The following TMEM221 variants were observed in gnomAD, a reference collection of about 807,000 sequenced individuals.
TMEM221 encodes transmembrane protein 221.
TMEM221 carries 11 observed loss-of-function variants against 10.2 expected under a neutral mutation model. That is an observed-to-expected ratio of 1.08 (90% CI 0.68 to 1.79). The LOEUF (loss-of-function observed/expected upper bound fraction) is 1.79, where lower values mean the gene tolerates loss of function less well. TMEM221 is among the 40% of genes most tolerant of loss of function. The pLI, the probability that TMEM221 is intolerant of heterozygous loss-of-function variation, is 0.00. For missense variants in TMEM221, 382 were observed against 417.7 expected, an observed-to-expected ratio of 0.91 and a Z score of 0.75; for synonymous variants, 172 against 199.8, an observed-to-expected ratio of 0.86 and a Z score of 1.18.
chr19:17,441,636 T>C (rs991680195), intron 2 of TMEM221, among the ~76,000 whole-genome samples: 1 of 151,442 alleles, frequency 6.6e-6, no homozygotes, highest in Non-Finnish European at 1.5e-5. Flanking sequence ...CCTGAGACTT[T>C]AGCCTGGGCT....
intron 2 of TMEM221, 56 bp downstream of exon 2, chr19:17,445,143 T>C (rs1035100823): frequency 2.8e-6 from 4 of 1,447,952 alleles, no homozygotes; most frequent in Non-Finnish European, 3.7e-6. Flanking sequence ...AGGGGACCAT[T>C]GCTGCTCTCT....
chr19:17,447,670 T>C (rs1599621367), intron 1 of TMEM221, among the ~76,000 whole-genome samples: 1 of 152,132 alleles, frequency 6.6e-6, no homozygotes, highest in Non-Finnish European at 1.5e-5. Flanking sequence ...CTGCCCCTGA[T>C]AGGGGTCCCT....
chr19:17,445,874 C>G (rs2074951381), intron 1 of TMEM221, among the ~76,000 whole-genome samples: 1 of 151,882 alleles, frequency 6.6e-6, no homozygotes, highest in African/African-American at 2.4e-5. Flanking sequence ...ACTTATCCAT[C>G]CATCGGCCCC....
intron 2 of TMEM221, among the ~76,000 whole-genome samples, chr19:17,443,523 G>A (rs921724984): frequency 2.0e-5 from 3 of 151,482 alleles, no homozygotes; most frequent in African/African-American, 7.3e-5. Flanking sequence ...TGGGGTGGGG[G>A]GGCGGTTTCA....
chr19:17,444,071 C>CTT lies in TMEM221; in HGVS notation c.406+1126_406+1127dup, dbSNP rs67270566. Among the ~76,000 whole-genome samples the CTT allele has an allele frequency of 2.7e-3, 152 of 56,296 alleles. 16 individuals are homozygous for CTT. The highest frequency in any genetic ancestry group is 9.1e-3 in the African/African-American group (124 of 13,578). The allele number at this position is 56,296 out of a possible 152,430, so 36.9% of individuals were successfully genotyped here. A position where few individuals can be genotyped will look rare whatever the true frequency, so the allele number is the denominator to read the frequency against. On this transcript the variant is annotated intron_variant, in intron 2 of 2. Transcript: ENST00000341130. ...CTCATTCCAACCTGTAAAATGCTAT[C>CTT]TTTTTTTTTTTTTTTTTTTTTTTTT...
At chr19:17,438,412 CG>C (rs1568396877) in intron 2 of TMEM221, among the ~76,000 whole-genome samples, 2 of 151,664 alleles carry the variant, frequency 1.3e-5, no homozygotes, top group African/African-American at 4.8e-5. Context: ...TTAGTAGAAA[CG>C]GGGTTTCGCC....
chr19:17,436,511 G>C lies in TMEM221; in HGVS notation c.823C>G (p.Arg275Gly). 4 of 1,534,824 alleles carry C rather than the reference G, an allele frequency of 2.6e-6. No homozygotes were observed. The highest frequency in any genetic ancestry group is 2.4e-5 in the East Asian group (1 of 40,876). The change falls in exon 3 of 3, where the codon CGA becomes GGA. Residue 275 changes from arginine (R) to glycine (G), a missense_variant. Arg to Gly is a moderately radical substitution (Grantham distance 125, BLOSUM62 -2). Transcript: ENST00000341130. ...CTCCCTGGTCTGTGGCCCAGCATTC[G>C]ACGCATCTCGTGCGTAACCCCGTCC... is the stretch of plus-strand genomic sequence containing the variant. ...HWDGVTHEMR[R>G]MLGHRPGSMG...
intron 2 of TMEM221, among the ~76,000 whole-genome samples, chr19:17,440,092 C>T (rs2074925807): frequency 6.6e-6 from 1 of 152,042 alleles, no homozygotes; most frequent in Non-Finnish European, 1.5e-5. Context: ...GGGGCTGAGG[C>T]AGAAGAATTG....
intron 2 of TMEM221, among the ~76,000 whole-genome samples, chr19:17,440,220 G>GT (rs2074926296): frequency 5.9e-5 from 7 of 118,738 alleles, no homozygotes; most frequent in East Asian, 4.4e-4. Flanking sequence ...GGTTAAAATG[G>GT]TATTTTTTTT....
chr19:17,447,321 C>T (rs2074956752), intron 1 of TMEM221, among the ~76,000 whole-genome samples: 1 of 152,066 alleles, frequency 6.6e-6, no homozygotes, highest in Non-Finnish European at 1.5e-5. Flanking sequence ...CATGCCTTGT[C>T]CTTGTTATGT....
In TMEM221 at chr19:17,436,288, A is replaced by T; in HGVS notation, c.*170T>A. ...ACTTTCCCTCAGAATGAGGAGGTGA[A>T]GGCTGGAGCTCTGGCAATTATTTTG... On this transcript the variant is annotated 3_prime_UTR_variant, in exon 3 of 3. Coordinates refer to ENST00000341130, the MANE Select transcript of TMEM221 (RefSeq NM_001190844.2). The T allele has an allele frequency of 1.6e-6, 1 of 635,132 alleles. No individual in the cohort carries two copies. The highest frequency in any genetic ancestry group is 2.6e-6 in the Non-Finnish European group (1 of 387,092). The allele number at this position is 635,132 out of a possible 1,614,324, so 39.3% of individuals were successfully genotyped here.
chr19:17,447,114 C>T (rs994845538), intron 1 of TMEM221, among the ~76,000 whole-genome samples: 8 of 151,546 alleles, frequency 5.3e-5, no homozygotes, highest in African/African-American at 9.7e-5. Flanking sequence ...CCCAGCTACT[C>T]GGGAGGCTAA....
Position 17,436,525 on chromosome 19 carries a change from G to A in TMEM221, c.809C>T (p.Thr270Met), listed in dbSNP as rs570115919. Residue 270 changes from threonine to methionine, a missense_variant, in exon 3 of 3, where the codon ACG (threonine) becomes ATG (methionine). By Grantham distance (81) the Thr-to-Met change is moderately conservative (BLOSUM62 -1). Coordinates refer to ENST00000341130, the MANE Select transcript of TMEM221 (RefSeq NM_001190844.2). The part of the protein sequence containing the change: ...SAGLGHWDGV[T>M]HEMRRMLGHR... Reference sequence around the variant, plus strand: ...GCCCAGCATTCGACGCATCTCGTGCGTAACCCCGTCCCAGTGCCCCAGGCC... The same window carrying A: ...GCCCAGCATTCGACGCATCTCGTGCATAACCCCGTCCCAGTGCCCCAGGCC... 1.5e-4 allele frequency: 227 copies of A among 1,535,846 alleles called. 1 individual carries two copies. In the South Asian group the frequency reaches 2.3e-3, roughly 15 times the overall value.
intron 1 of TMEM221, among the ~76,000 whole-genome samples, chr19:17,447,243 A>T (rs1029576667): frequency 6.6e-6 from 1 of 151,706 alleles, no homozygotes; most frequent in African/African-American, 2.4e-5. Context: ...AAGAAAAAAA[A>T]ATTCCTGGCC....
In TMEM221 at chr19:17,435,965, T is replaced by C; in HGVS notation, c.*493A>G. 1 of 153,518 alleles carries C rather than the reference T, an allele frequency of 6.5e-6. No individual in the cohort carries two copies. Among genetic ancestry groups the C allele is most frequent in the Non-Finnish European group, 1.5e-5 (1 of 68,932 alleles). The allele number at this position is 153,518 out of a possible 1,614,324, so 9.5% of individuals were successfully genotyped here. ...GGAGATTATGGGGTTCAGGTGAGAATCCTGGCTCTGGTGCTCAGTCCTGGC... is the reference window on the plus strand; with the variant it reads ...GGAGATTATGGGGTTCAGGTGAGAACCCTGGCTCTGGTGCTCAGTCCTGGC... On this transcript the variant is annotated 3_prime_UTR_variant, in exon 3 of 3. Coordinates refer to ENST00000341130, the MANE Select transcript of TMEM221 (RefSeq NM_001190844.2).
In TMEM221 at chr19:17,436,948, C is replaced by T. The variant is rs1369686177; in HGVS notation, c.407-21G>A. The T allele has an allele frequency of 2.2e-6, 3 of 1,383,678 alleles. No homozygotes were observed. In the South Asian group the frequency reaches 5.5e-5, roughly 25 times the overall value. 85.7% of individuals were successfully genotyped at this position (1,383,678 alleles called of 1,614,324 possible). Reference sequence around the variant, plus strand: ...CAGTGCTAGGGAAGGAAACGACTCTCATTTATTCAGTCAACAAACATTTGC... The same window carrying T: ...CAGTGCTAGGGAAGGAAACGACTCTTATTTATTCAGTCAACAAACATTTGC... On this transcript the variant is annotated intron_variant, in intron 2 of 2. Transcript: ENST00000341130.
At chr19:17,439,561 G>A (rs1028326488) in intron 2 of TMEM221, among the ~76,000 whole-genome samples, 6 of 151,998 alleles carry the variant, frequency 3.9e-5, no homozygotes, top group African/African-American at 1.4e-4. Context: ...GGTGGCACGT[G>A]CCTGTAATCC....
Position 17,436,467 on chromosome 19 carries a change from T to C in TMEM221, c.867A>G (p.Thr289=), listed in dbSNP as rs1168005900. 5.3e-6 allele frequency: 8 copies of C among 1,519,114 alleles called. No homozygotes were observed. The highest frequency in any genetic ancestry group is 1.4e-5 in the African/African-American group (1 of 72,934). 94.1% of individuals were successfully genotyped at this position (1,519,114 alleles called of 1,614,324 possible). A position where few individuals can be genotyped will look rare whatever the true frequency, so the allele number is the denominator to read the frequency against. The change falls in exon 3 of 3, where the codon ACA becomes ACG. Residue 289 remains threonine, a synonymous_variant. Transcript: ENST00000341130. ...HRPGSMGKDS[T]LV ...TTCCTCATCCCTGGGCTCACACCAG[T>C]GTGGAGTCCTTCCCCATGCTCCCTG...
intron 2 of TMEM221, among the ~76,000 whole-genome samples, chr19:17,442,474 C>T (rs553017530): frequency 1.2e-4 from 17 of 146,730 alleles, no homozygotes; most frequent in Non-Finnish European, 2.4e-4. Flanking sequence ...GCATCTCACT[C>T]TGTCGCCCAG....
Sources: allele counts gnomAD v4.1 joint callset (sites outside exome capture counted in the v4.1 genomes callset), GRCh38; gene constraint gnomAD v4.1.1; transcripts MANE v1.5; gene names NCBI Gene and HGNC (gene_info 2026-07-23, HGNC 2026-07-21).